Variants in WDR18 observed in about 807,000 individuals in gnomAD.
The protein encoded by WDR18 is WD repeat domain 18.
Under a neutral mutation model 49.6 loss-of-function variants are expected in WDR18, and 33 were observed. That is an observed-to-expected ratio of 0.67 (90% confidence interval 0.50 to 0.89). WDR18 has a LOEUF of 0.89. Ranked by LOEUF, WDR18 falls within the 40% of genes least tolerant of loss-of-function variation. The pLI is 0.00. For synonymous variants in WDR18, 315 were observed against 263.6 expected, an observed-to-expected ratio of 1.19 and a Z score of -1.89; for missense variants, 653 against 593.6, an observed-to-expected ratio of 1.10 and a Z score of -1.04.
intron 8 of WDR18, among the ~76,000 whole-genome samples, chr19:992,796 G>C (rs1037841851): frequency 6.6e-6 from 1 of 152,218 alleles, no homozygotes; most frequent in Admixed American, 6.5e-5. Context: ...GTGTGTTTCC[G>C]CCTCACTCCC....
chr19:984,936 A>C (rs2038460040), intron 1 of WDR18, among the ~76,000 whole-genome samples: 1 of 152,104 alleles, frequency 6.6e-6, no homozygotes, highest in African/African-American at 2.4e-5. Context: ...AGAAGGACCA[A>C]GGTCTGGGGG....
chr19:992,664 G>A (rs1019516593), intron 8 of WDR18, among the ~76,000 whole-genome samples: 6 of 152,192 alleles, frequency 3.9e-5, no homozygotes, highest in Admixed American at 1.3e-4. Context: ...ACCTTCTGAG[G>A]GTAGAGTGAC....
At chr19:991,891 C>G in intron 7 of WDR18, 64 bp from the exon 8 acceptor site, 1 of 1,406,630 alleles carries the variant, frequency 7.1e-7, no homozygotes, top group Non-Finnish European at 9.2e-7. Context: ...TGGGGCGGAA[C>G]TTGGCTTGCT....
Position 994,397 on chromosome 19 carries a change from C to A in WDR18, c.*53C>A, listed in dbSNP as rs2038604917. ...CAGGCCTGAGCCCCATGCCTCCCAG[C>A]AACCAGGGCCCGCGGGTGTGGCCCC... is the stretch of plus-strand genomic sequence containing the variant. On this transcript the variant is annotated 3_prime_UTR_variant, in exon 10 of 10. Coordinates refer to ENST00000585809, the MANE Select transcript of WDR18 (RefSeq NM_024100.4). The A allele has an allele frequency of 1.9e-6, 3 of 1,558,114 alleles. No homozygotes were observed. The highest frequency in any genetic ancestry group is 1.9e-5 in the Admixed American group (1 of 54,008).
intron 8 of WDR18, among the ~76,000 whole-genome samples, 195 bp from the exon 9 acceptor site, chr19:993,825 T>C (rs1568386239): frequency 6.6e-6 from 1 of 152,160 alleles, no homozygotes; most frequent in Admixed American, 6.5e-5. Context: ...AATGACTGCA[T>C]GGCCAGGGTC....
intron 6 of WDR18, 36 bp from the exon 7 acceptor site, chr19:991,191 T>G: frequency 6.9e-7 from 1 of 1,444,914 alleles, no homozygotes. Context: ...ACGTCCTGTC[T>G]GGCACGTCCC....
intron 1 of WDR18, among the ~76,000 whole-genome samples, chr19:985,017 C>T (rs965893543): frequency 7.2e-5 from 11 of 152,162 alleles, no homozygotes; most frequent in African/African-American, 2.4e-4. Flanking sequence ...TACTCACCGT[C>T]GCCCACAGTT....
rs1433761355 is a variant in WDR18 at position 990,904 on chromosome 19, C to G, written c.650C>G (p.Ser217Cys). The change falls in exon 5 of 10, where the codon TCC becomes TGC. Residue 217 changes from serine (S) to cysteine (C), a missense_variant. Ser to Cys is a moderately radical substitution (Grantham distance 112). Transcript: ENST00000585809. ...ELLLSVLFDVSIMAVTMDLAE... is the reference protein window; with the variant it reads ...ELLLSVLFDVCIMAVTMDLAE... ...CTGCTCTCCGTCCTCTTTGACGTGT[C>G]CATCATGGCAGTGACCATGGACCTG... The G allele has an allele frequency of 6.2e-7, 1 of 1,612,708 alleles. No homozygotes were observed. Among genetic ancestry groups the G allele is most frequent in the Non-Finnish European group, 8.5e-7 (1 of 1,179,850 alleles).
intron 1 of WDR18, 150 bp from the exon 2 acceptor site, chr19:985,715 C>T: frequency 3.1e-6 from 2 of 645,712 alleles, no homozygotes; most frequent in Non-Finnish European, 5.5e-6. Context: ...CTTGCTGGAC[C>T]ATGCATTTGC....
Position 992,077 on chromosome 19 carries a change from C to A in WDR18, c.1054C>A (p.Pro352Thr). The part of the protein sequence containing the change: ...HLLGAEHGDE[P>T]RHGGLTLRLG... ...GCTGGGCGCCGAGCACGGGGACGAGCCGCGCCACGGGGGCCTCACTCTGCG... is the reference window on the plus strand; with the variant it reads ...GCTGGGCGCCGAGCACGGGGACGAGACGCGCCACGGGGGCCTCACTCTGCG... The change falls in exon 8 of 10, where the codon CCG becomes ACG. Residue 352 changes from proline (P) to threonine (T), a missense_variant. Pro to Thr is a conservative substitution (Grantham distance 38). Coordinates refer to ENST00000585809, the MANE Select transcript of WDR18 (RefSeq NM_024100.4). 6.4e-7 allele frequency: 1 copy of A among 1,558,592 alleles called. No individual in the cohort carries two copies. The highest frequency in any genetic ancestry group is 8.6e-7 in the Non-Finnish European group (1 of 1,157,476).
In WDR18 at chr19:990,361, G is replaced by A; in HGVS notation, c.594G>A (p.Val198=). The A allele has an allele frequency of 6.4e-7, 1 of 1,559,714 alleles. No individual in the cohort carries two copies. Among genetic ancestry groups the A allele is most frequent in the Non-Finnish European group, 8.6e-7 (1 of 1,160,238 alleles). The change falls in exon 4 of 10, where the codon GTG becomes GTA. Residue 198 remains valine, a synonymous_variant. Transcript: ENST00000585809. ...RVATSSLDQT[V]KLWEVSSGEL... ...CCACCTCCTCACTGGACCAGACGGT[G>A]AAGGTACGCCGCCCCCACCCCACCA...
At chr19:984,821 G>A (rs1188260210) in intron 1 of WDR18, among the ~76,000 whole-genome samples, 1 of 152,114 alleles carries the variant, frequency 6.6e-6, no homozygotes, top group Non-Finnish European at 1.5e-5. Flanking sequence ...AGACGCTCCG[G>A]GGGGTCCCTT....
intron 8 of WDR18, among the ~76,000 whole-genome samples, chr19:993,399 C>T (rs1310684405): frequency 6.6e-6 from 1 of 152,220 alleles, no homozygotes; most frequent in Non-Finnish European, 1.5e-5. Flanking sequence ...CGCCACCTTT[C>T]CCTAGCCGCC....
Position 984,570 on chromosome 19 carries a change from C to A in WDR18, c.210+7C>A. On this transcript the variant is annotated splice_region_variant and intron_variant, in intron 1 of 9. Transcript: ENST00000585809. ...CTGGGAGCTCCAGCGGAAGGTGCGGCGGTGCGGTCTCGCTGCTGGGGTCAT... is the reference window on the plus strand; with the variant it reads ...CTGGGAGCTCCAGCGGAAGGTGCGGAGGTGCGGTCTCGCTGCTGGGGTCAT... 6.8e-7 allele frequency: 1 copy of A among 1,464,452 alleles called. No homozygotes were observed. Among genetic ancestry groups the A allele is most frequent in the Non-Finnish European group, 9.0e-7 (1 of 1,107,366 alleles). The allele number at this position is 1,464,452 out of a possible 1,614,324, so 90.7% of individuals were successfully genotyped here. A position where few individuals can be genotyped will look rare whatever the true frequency, so the allele number is the denominator to read the frequency against.
At chr19:993,168 G>C (rs1314604868) in intron 8 of WDR18, among the ~76,000 whole-genome samples, 1 of 152,240 alleles carries the variant, frequency 6.6e-6, no homozygotes, top group Non-Finnish European at 1.5e-5. Flanking sequence ...GCGCAAGGAG[G>C]GGCGAGCTTT....
At chr19:983,273 G>T (rs2038436796), upstream of WDR18, among the ~76,000 whole-genome samples, 2 of 152,030 alleles carry the variant, frequency 1.3e-5, no homozygotes, top group African/African-American at 4.8e-5. Flanking sequence ...ATCTCTACTA[G>T]ATATATATTT....
chr19:987,852 T>TTTTTTTTTTTTTTC (rs1466728706), intron 2 of WDR18, among the ~76,000 whole-genome samples: 1 of 128,222 alleles, frequency 7.8e-6, no homozygotes, highest in Non-Finnish European at 1.7e-5. Context: ...TTTTTTTTTT[T>TTTTTTTTTTTTTTC]CAGATGAAGT....
At chr19:992,693 C>G (rs2038575972) in intron 8 of WDR18, among the ~76,000 whole-genome samples, 1 of 152,194 alleles carries the variant, frequency 6.6e-6, no homozygotes, top group Non-Finnish European at 1.5e-5. Flanking sequence ...CACTTCCCAC[C>G]CCAGCCCCAA....
In WDR18 at chr19:994,001, G is replaced by A. The variant is rs772301968; in HGVS notation, c.1099-19G>A. ...GTGACAGGACGCGCCCCGAGGTCAC[G>A]TGGCTCCCTGTGTTACAGGGCTCGG... On this transcript the variant is annotated intron_variant, in intron 8 of 9. Transcript: ENST00000585809. 7.1e-6 allele frequency: 11 copies of A among 1,549,978 alleles called. No individual in the cohort carries two copies. The African/African-American group carries it at 9.6e-5, about 13-fold the overall frequency.
Sources: gnomAD v4.1 joint callset for allele counts (sites outside exome capture counted in the v4.1 genomes callset) on GRCh38, gnomAD v4.1.1 for gene constraint, MANE v1.5 for transcripts, NCBI Gene and HGNC (gene_info 2026-07-23, HGNC 2026-07-21) for gene names.